Variants in CCDC102B observed in about 807,000 individuals in gnomAD.
CCDC102B encodes the protein coiled-coil domain containing 102B, also known as coiled-coil domain-containing protein 102B.
Under a neutral mutation model 57.4 loss-of-function variants are expected in CCDC102B, and 75 were observed. The ratio of observed to expected loss-of-function variants is 1.31; its 90% CI spans 1.08 to 1.58. The LOEUF (loss-of-function observed/expected upper bound fraction) is 1.58. CCDC102B is among the 40% of genes most tolerant of loss of function. The pLI is 0.00. For missense variants in CCDC102B, 636 were observed against 582.6 expected (o/e 1.09, Z -0.94); for synonymous variants, 206 against 201.9 (o/e 1.02, Z -0.17).
At chr18:68,882,283 A>C (rs2039718834) in intron 5 of CCDC102B, among the ~76,000 whole-genome samples, 1 of 152,236 alleles carries the variant, frequency 6.6e-6, no homozygotes, top group South Asian at 2.1e-4. Flanking sequence ...CAGAACATCC[A>C]ACCTCTTTTC....
At chr18:68,983,912 A>G (rs2145301833) in intron 6 of CCDC102B, among the ~76,000 whole-genome samples, 1 of 152,196 alleles carries the variant, frequency 6.6e-6, no homozygotes, top group Admixed American at 6.5e-5. Context: ...GGAGAATAAT[A>G]CAAAAAATAT....
At chr18:68,725,012 C>T (rs911577084) in intron 2 of CCDC102B, among the ~76,000 whole-genome samples, 1 of 152,196 alleles carries the variant, frequency 6.6e-6, no homozygotes. Context: ...AGGAAACTTA[C>T]AATCATGGCG....
At chr18:68,838,570 A>G in intron 2 of CCDC102B, 136 bp from the exon 3 acceptor site, 1 of 1,437,094 alleles carries the variant, frequency 7.0e-7, no homozygotes, top group Non-Finnish European at 9.1e-7. Context: ...GCCACACAAC[A>G]CTTTCAGGGA....
At chr18:68,938,687 A>G (rs990780805) in intron 6 of CCDC102B, among the ~76,000 whole-genome samples, 1 of 151,474 alleles carries the variant, frequency 6.6e-6, no homozygotes, top group African/African-American at 2.4e-5. Context: ...CAGATTATTT[A>G]TATTCTTTGT....
At chr18:68,928,604 G>A (rs776536323) in intron 6 of CCDC102B, among the ~76,000 whole-genome samples, 12 of 151,838 alleles carry the variant, frequency 7.9e-5, no homozygotes, top group Admixed American at 5.9e-4. Flanking sequence ...GCTTGTCAGA[G>A]GGGAGGAAAT....
chr18:68,787,928 C>T (rs2035272813), intron 2 of CCDC102B, among the ~76,000 whole-genome samples: 2 of 150,844 alleles, frequency 1.3e-5, no homozygotes, highest in African/African-American at 4.9e-5. Flanking sequence ...GTTAGGGTGT[C>T]AATTTTGGAT....
chr18:68,988,631 G>T (rs2050786946), intron 6 of CCDC102B, among the ~76,000 whole-genome samples: 1 of 151,910 alleles, frequency 6.6e-6, no homozygotes, highest in Non-Finnish European at 1.5e-5. Flanking sequence ...TATAATACCT[G>T]AAAAAGAGTA....
At chr18:68,792,958 AAAT>A (rs1398949092) in intron 2 of CCDC102B, among the ~76,000 whole-genome samples, 1 of 152,214 alleles carries the variant, frequency 6.6e-6, no homozygotes, top group African/African-American at 2.4e-5. Flanking sequence ...GGAGGGAAGA[AAAT>A]AATATTTTCT....
At chr18:68,892,685 T>C (rs1044642128) in intron 5 of CCDC102B, among the ~76,000 whole-genome samples, 1 of 152,218 alleles carries the variant, frequency 6.6e-6, no homozygotes, top group Non-Finnish European at 1.5e-5. Flanking sequence ...CATCTATTTT[T>C]GTATTGATTA....
At chr18:69,021,969 C>T (rs950779921) in intron 7 of CCDC102B, among the ~76,000 whole-genome samples, 13 of 152,128 alleles carry the variant, frequency 8.5e-5, no homozygotes, top group African/African-American at 2.9e-4. Context: ...CATGGTCTAG[C>T]AGTTCTGCTC....
chr18:68,989,321 T>G (rs1243971037), intron 6 of CCDC102B, among the ~76,000 whole-genome samples: 1 of 152,214 alleles, frequency 6.6e-6, no homozygotes, highest in Non-Finnish European at 1.5e-5. Context: ...AAATGAAGAT[T>G]AACATACCAA....
intron 6 of CCDC102B, among the ~76,000 whole-genome samples, chr18:68,997,049 C>A (rs1314857778): frequency 2.4e-4 from 37 of 152,120 alleles, no homozygotes; most frequent in Non-Finnish European, 1.5e-5. Context: ...ATAAGGGACT[C>A]CTTCCCCTTT....
intron 5 of CCDC102B, among the ~76,000 whole-genome samples, chr18:68,882,430 C>A (rs1029738312): frequency 1.3e-5 from 2 of 152,164 alleles, no homozygotes; most frequent in African/African-American, 4.8e-5. Flanking sequence ...CATGTTTTCC[C>A]CTTCACATCA....
intron 2 of CCDC102B, among the ~76,000 whole-genome samples, chr18:68,777,730 T>A (rs1397072609): frequency 2.6e-5 from 4 of 151,598 alleles, no homozygotes; most frequent in African/African-American, 9.7e-5. Context: ...TTAAGCAGAT[T>A]AAAGAGTAAC....
At chr18:68,851,999 G>C (rs1194185377) in intron 4 of CCDC102B, among the ~76,000 whole-genome samples, 1 of 152,078 alleles carries the variant, frequency 6.6e-6, no homozygotes, top group Non-Finnish European at 1.5e-5. Context: ...ATTCAATTAA[G>C]ACAATTCCTT....
At chr18:69,002,867 T>C (rs1244004576) in intron 6 of CCDC102B, among the ~76,000 whole-genome samples, 1 of 152,194 alleles carries the variant, frequency 6.6e-6, no homozygotes, top group Non-Finnish European at 1.5e-5. Context: ...TTACCCTGTC[T>C]GCCCACAACT....
At chr18:68,995,388 C>A (rs2050996040) in intron 6 of CCDC102B, among the ~76,000 whole-genome samples, 1 of 152,018 alleles carries the variant, frequency 6.6e-6, no homozygotes, top group African/African-American at 2.4e-5. Flanking sequence ...TCAAAGCAGC[C>A]CCTCCCATCT....
Position 69,054,911 on chromosome 18 carries a change from A to T in CCDC102B, c.*774A>T. 1.0e-6 allele frequency: 1 copy of T among 985,372 alleles called. No individual in the cohort carries two copies. The highest frequency in any genetic ancestry group is 1.2e-6 in the Non-Finnish European group (1 of 829,914). 61.0% of individuals were successfully genotyped at this position (985,372 alleles called of 1,614,324 possible). Reference sequence around the variant, plus strand: ...TTCCCTCTGAGTAGTGGGAATAGAGAAAATTAGGAAATTGTGGTTATGTGA... The same window carrying T: ...TTCCCTCTGAGTAGTGGGAATAGAGTAAATTAGGAAATTGTGGTTATGTGA... On this transcript the variant is annotated 3_prime_UTR_variant, in exon 8 of 8. Coordinates refer to ENST00000360242, the MANE Select transcript of CCDC102B (RefSeq NM_024781.3).
At chr18:68,776,925 C>T (rs572697747) in intron 2 of CCDC102B, among the ~76,000 whole-genome samples, 46 of 151,862 alleles carry the variant, frequency 3.0e-4, no homozygotes, top group Non-Finnish European at 4.3e-4. Flanking sequence ...ATTTTTTTCC[C>T]GCATTTCACT....
Sources: allele counts gnomAD v4.1 joint callset (sites outside exome capture counted in the v4.1 genomes callset), GRCh38; gene constraint gnomAD v4.1.1; transcripts MANE v1.5; gene names NCBI Gene and HGNC (gene_info 2026-07-23, HGNC 2026-07-21).